The following ZNF385B variants were observed in gnomAD, a reference collection of about 807,000 sequenced individuals.
The protein encoded by ZNF385B is zinc finger protein 385B.
A neutral mutation model predicts 39.2 loss-of-function variants in ZNF385B; 23 were observed. That is an observed-to-expected ratio of 0.59 (90% CI 0.42 to 0.83). ZNF385B has a LOEUF of 0.83. Among genes scored for constraint, ZNF385B ranks in the 40% least tolerant of loss-of-function variants. The probability of loss-of-function intolerance (pLI) is 0.00; values close to 1 mark genes in which losing one functional copy is unlikely to be tolerated. For missense variants in ZNF385B, 552 were observed against 598.9 expected (o/e 0.92, Z 0.82); for synonymous variants, 205 against 222.6 (o/e 0.92, Z 0.70).
chr2:179,765,882 C>A (rs1404700337), intron 3 of ZNF385B, among the ~76,000 whole-genome samples: 5 of 152,270 alleles, frequency 3.3e-5, no homozygotes, highest in African/African-American at 1.2e-4. Flanking sequence ...TATATGCAAA[C>A]TAAGTTACCT....
intron 3 of ZNF385B, among the ~76,000 whole-genome samples, chr2:179,551,081 T>A (rs1348992266): frequency 6.6e-6 from 1 of 152,080 alleles, no homozygotes; most frequent in Non-Finnish European, 1.5e-5. Context: ...GTAAGACACC[T>A]CCTATTTGTA....
chr2:179,815,873 A>G (rs1173676424), intron 1 of ZNF385B, among the ~76,000 whole-genome samples: 1 of 152,076 alleles, frequency 6.6e-6, no homozygotes, highest in Non-Finnish European at 1.5e-5. Flanking sequence ...GTACCTTTTC[A>G]TCTATCTGAT....
chr2:179,528,583 C>CT, intron 4 of ZNF385B, among the ~76,000 whole-genome samples: 1 of 152,174 alleles, frequency 6.6e-6, no homozygotes, highest in Admixed American at 6.5e-5. Flanking sequence ...AGTAAAAAAG[C>CT]TAAAAGCAAA....
chr2:179,693,324 G>A (rs1698492984), intron 3 of ZNF385B, among the ~76,000 whole-genome samples: 1 of 152,104 alleles, frequency 6.6e-6, no homozygotes, highest in African/African-American at 2.4e-5. Flanking sequence ...AATCAGGTGG[G>A]ATGCTGAATG....
chr2:179,799,606 C>G (rs144877109), intron 1 of ZNF385B, among the ~76,000 whole-genome samples: 368 of 152,138 alleles, frequency 2.4e-3, no homozygotes, highest in Admixed American at 3.9e-3. Flanking sequence ...AGCTAAACTG[C>G]TAAGTAGCTG....
At chr2:179,713,305 T>C (rs961324812) in intron 3 of ZNF385B, among the ~76,000 whole-genome samples, 4 of 152,188 alleles carry the variant, frequency 2.6e-5, no homozygotes, top group African/African-American at 9.7e-5. Context: ...TATATTTACC[T>C]CTCCTACATC....
chr2:179,628,412 T>G (rs144206270), intron 3 of ZNF385B, among the ~76,000 whole-genome samples: 1 of 152,204 alleles, frequency 6.6e-6, no homozygotes, highest in Non-Finnish European at 1.5e-5. Flanking sequence ...TCTTACATTT[T>G]GGATTTTGCT....
chr2:179,445,293 A>G (rs2049358996), intron 8 of ZNF385B, among the ~76,000 whole-genome samples: 1 of 152,180 alleles, frequency 6.6e-6, no homozygotes, highest in East Asian at 1.9e-4. Flanking sequence ...CTCCTGCTCA[A>G]CTGTAGGCTC....
chr2:179,614,552 T>C (rs1484059802), intron 3 of ZNF385B, among the ~76,000 whole-genome samples: 3 of 152,232 alleles, frequency 2.0e-5, no homozygotes, highest in Non-Finnish European at 1.5e-5. Flanking sequence ...CAAATATAGC[T>C]ATACACTTGT....
At chr2:179,722,355 C>A (rs1230835468) in intron 3 of ZNF385B, among the ~76,000 whole-genome samples, 1 of 152,104 alleles carries the variant, frequency 6.6e-6, no homozygotes, top group Non-Finnish European at 1.5e-5. Flanking sequence ...AATTTTTATA[C>A]ATTCACAGAT....
chr2:179,576,802 C>T (rs1463666208), intron 3 of ZNF385B, among the ~76,000 whole-genome samples: 1 of 152,152 alleles, frequency 6.6e-6, no homozygotes, highest in Admixed American at 6.5e-5. Context: ...CTGTTTGGAT[C>T]TCAGCTCTAA....
chr2:179,788,932 C>G (rs1344259822), intron 1 of ZNF385B, among the ~76,000 whole-genome samples: 2 of 152,172 alleles, frequency 1.3e-5, no homozygotes, highest in Non-Finnish European at 2.9e-5. Flanking sequence ...TGATGAAAAG[C>G]TGATTTTGCT....
chr2:179,582,675 G>A (rs1428126916), intron 3 of ZNF385B, among the ~76,000 whole-genome samples: 1 of 152,108 alleles, frequency 6.6e-6, no homozygotes, highest in African/African-American at 2.4e-5. Context: ...TTTTCAATGT[G>A]TGCCAGTAAT....
intron 1 of ZNF385B, among the ~76,000 whole-genome samples, chr2:179,812,401 TC>T (rs1462295649): frequency 6.6e-6 from 1 of 152,174 alleles, no homozygotes; most frequent in African/African-American, 2.4e-5. Context: ...TAGGTGTCCA[TC>T]AGTGGTGGAC....
chr2:179,635,221 C>A (rs1485726797), intron 3 of ZNF385B, among the ~76,000 whole-genome samples: 1 of 151,860 alleles, frequency 6.6e-6, no homozygotes, highest in African/African-American at 2.4e-5. Flanking sequence ...AGTACGAGTT[C>A]ATGTCCTTTA....
Position 179,528,542 on chromosome 2 carries a change from T to A in ZNF385B, c.442-9904A>T, listed in dbSNP as rs142677185. ...ATAATGTTTTTCATCTTTTATACTTTTAGAACCATAAGGAGTTACCAAATG... is the reference window on the plus strand; with the variant it reads ...ATAATGTTTTTCATCTTTTATACTTATAGAACCATAAGGAGTTACCAAATG... On this transcript the variant is annotated intron_variant, in intron 4 of 9. Coordinates refer to ENST00000410066, the MANE Select transcript of ZNF385B (RefSeq NM_152520.6). Among the ~76,000 whole-genome samples, 30 of 152,350 alleles carry A rather than the reference T, an allele frequency of 2.0e-4. No individual in the cohort carries two copies. In the East Asian group the frequency reaches 5.8e-3, roughly 29 times the overall value.
chr2:179,718,451 C>T (rs1398436729), intron 3 of ZNF385B, among the ~76,000 whole-genome samples: 3 of 147,348 alleles, frequency 2.0e-5, no homozygotes, highest in Non-Finnish European at 3.0e-5. Flanking sequence ...ATATTCCTTA[C>T]TTTATGATCA....
At chr2:179,457,935 T>C (rs558610856) in intron 6 of ZNF385B, among the ~76,000 whole-genome samples, 39 of 152,346 alleles carry the variant, frequency 2.6e-4, no homozygotes, top group African/African-American at 8.4e-4. Flanking sequence ...ATTCAATAAA[T>C]GATAGAGCAT....
chr2:179,768,436 T>C (rs1255681789), intron 3 of ZNF385B, among the ~76,000 whole-genome samples: 1 of 152,182 alleles, frequency 6.6e-6, no homozygotes, highest in Non-Finnish European at 1.5e-5. Context: ...TTTAATGAAA[T>C]TAAATCATCA....
Sources: allele counts gnomAD v4.1 joint callset (sites outside exome capture counted in the v4.1 genomes callset), GRCh38; gene constraint gnomAD v4.1.1; transcripts MANE v1.5; gene names NCBI Gene and HGNC (gene_info 2026-07-23, HGNC 2026-07-21).